Variants in SLIT3 observed in about 807,000 individuals in gnomAD.
The protein encoded by SLIT3 is slit homolog 3 protein.
A neutral mutation model predicts 184.0 loss-of-function variants in SLIT3; 68 were observed. That is an observed-to-expected ratio of 0.37 (90% CI 0.30 to 0.45). The LOEUF is 0.45. Among genes scored for constraint, SLIT3 ranks in the 20% least tolerant of loss-of-function variants. The pLI is 1.00. For synonymous variants in SLIT3, 831 were observed against 828.6 expected (o/e 1.00, Z -0.05); for missense variants, 1,707 against 2,026.0 (o/e 0.84, Z 3.02).
Position 169,161,389 on chromosome 5 carries a change from G to A in SLIT3, c.413+32090C>T, listed in dbSNP as rs1026004563. On this transcript the variant is annotated intron_variant, in intron 4 of 35. Transcript: ENST00000519560. Reference sequence around the variant, plus strand: ...TCCATCACTGCCCCTTCCTTGGGCCGAGCCTCTGTACCCGCCCACTGGCTA... The same window carrying A: ...TCCATCACTGCCCCTTCCTTGGGCCAAGCCTCTGTACCCGCCCACTGGCTA... Among the ~76,000 whole-genome samples, 20 of 152,220 alleles carry A rather than the reference G, an allele frequency of 1.3e-4. 1 individual carries two copies. Among genetic ancestry groups the A allele is most frequent in the Middle Eastern group, 6.8e-3 (2 of 294 alleles).
At chr5:169,231,301 A>T (rs1764992801) in intron 3 of SLIT3, among the ~76,000 whole-genome samples, 1 of 152,080 alleles carries the variant, frequency 6.6e-6, no homozygotes, top group Admixed American at 6.6e-5. Flanking sequence ...GATCCATGAA[A>T]CCTCTACCCA....
chr5:168,747,724 G>C (rs1754537568), intron 20 of SLIT3, among the ~76,000 whole-genome samples: 1 of 152,152 alleles, frequency 6.6e-6, no homozygotes, highest in Non-Finnish European at 1.5e-5. Flanking sequence ...AGGACCTGAG[G>C]AGTCAGTGGC....
chr5:168,835,817 A>AC (rs1758034154), intron 6 of SLIT3, among the ~76,000 whole-genome samples: 1 of 151,676 alleles, frequency 6.6e-6, no homozygotes, highest in Non-Finnish European at 1.5e-5. Context: ...TCTCAAAAAA[A>AC]AAAAAAAATT....
chr5:168,976,585 C>T (rs941350247), intron 4 of SLIT3, among the ~76,000 whole-genome samples: 1 of 152,220 alleles, frequency 6.6e-6, no homozygotes, highest in Non-Finnish European at 1.5e-5. Context: ...TTCATATTTA[C>T]TGTATGTGAC....
Position 168,774,324 on chromosome 5 carries a change from C to T in SLIT3, c.1206G>A (p.Leu402=), listed in dbSNP as rs1378223753. 1.2e-6 allele frequency: 2 copies of T among 1,614,052 alleles called. No homozygotes were observed. The highest frequency in any genetic ancestry group is 2.2e-5 in the East Asian group (1 of 44,868). Residue 402 remains leucine, a synonymous_variant, in exon 13 of 36, where the codon CTG becomes CTA. Transcript: ENST00000519560. The stretch of plus-strand genomic sequence containing the variant: ...ACAGGGAGAGCAAGTTGAGGTTCTG[C>T]AGGTCCTGAAACGTGTTCACCCGCA... ...NCLRVNTFQD[L]QNLNLLSLYD...
rs1463301870 is a variant in SLIT3 at position 169,251,382 on chromosome 5, A to G, written c.269+6T>C. The G allele has an allele frequency of 6.2e-7, 1 of 1,603,380 alleles. No homozygotes were observed. Among genetic ancestry groups the G allele is most frequent in the East Asian group, 2.2e-5 (1 of 44,826 alleles). The stretch of plus-strand genomic sequence containing the variant: ...AAAACACACTTGAGAGCCATCAACT[A>G]CTTACAAGACTCGGAGGTTCTTGAG... On this transcript the variant is annotated splice_donor_region_variant and intron_variant, in intron 2 of 35. Coordinates refer to ENST00000519560, the MANE Select transcript of SLIT3 (RefSeq NM_003062.4).
chr5:169,184,323 G>T lies in SLIT3; in HGVS notation c.413+9156C>A, dbSNP rs1351816828. ...GTAGGGAAAAAACTCACAGGAGTAA[G>T]AGGGTGAGAAAGTCAGAGAGACCTG... On this transcript the variant is annotated intron_variant, in intron 4 of 35. Transcript: ENST00000519560. Among the ~76,000 whole-genome samples the T allele has an allele frequency of 2.0e-5, 3 of 152,240 alleles. No homozygotes were observed. The East Asian group carries it at 5.8e-4, about 29-fold the overall frequency.
At chr5:169,130,220 A>G (rs529987124) in intron 4 of SLIT3, among the ~76,000 whole-genome samples, 3 of 152,356 alleles carry the variant, frequency 2.0e-5, no homozygotes, top group South Asian at 2.1e-4. Context: ...CTAGAGGTTT[A>G]GGAGTACTCT....
chr5:169,226,733 C>G (rs867887442), intron 3 of SLIT3, among the ~76,000 whole-genome samples: 1 of 152,082 alleles, frequency 6.6e-6, no homozygotes, highest in Non-Finnish European at 1.5e-5. Flanking sequence ...ATCCTCAGTC[C>G]CTTCTCTTAC....
At chr5:168,967,949 C>T (rs565552091) in intron 4 of SLIT3, among the ~76,000 whole-genome samples, 9 of 152,194 alleles carry the variant, frequency 5.9e-5, no homozygotes, top group Non-Finnish European at 7.3e-5. Context: ...CTAGCACTTT[C>T]GTGCCTGCAC....
chr5:169,256,809 G>C (rs4868448), intron 1 of SLIT3, among the ~76,000 whole-genome samples: 70,598 of 151,858 alleles, frequency 0.46, 19,010 homozygotes, highest in Non-Finnish European at 0.62. Context: ...CCGAGTTATT[G>C]TGGGAACGAG....
intron 4 of SLIT3, among the ~76,000 whole-genome samples, chr5:169,015,184 A>C (rs17666880): frequency 0.013 from 2,045 of 152,216 alleles, 102 homozygotes; most frequent in East Asian, 0.094. Flanking sequence ...GAAAGGACAA[A>C]ACAAGAGTGG....
At chr5:169,187,060 A>G (rs1763368971) in intron 4 of SLIT3, among the ~76,000 whole-genome samples, 1 of 149,516 alleles carries the variant, frequency 6.7e-6, no homozygotes, top group African/African-American at 2.4e-5. Flanking sequence ...TGAATGGAGA[A>G]TAAATAAGTC....
At chr5:169,256,476 C>T (rs1299916574) in intron 1 of SLIT3, among the ~76,000 whole-genome samples, 1 of 152,190 alleles carries the variant, frequency 6.6e-6, no homozygotes, top group African/African-American at 2.4e-5. Context: ...TGTGCAAGTG[C>T]ACTCATGACT....
At chr5:168,748,857 A>G (rs558141526) in intron 19 of SLIT3, among the ~76,000 whole-genome samples, 2 of 152,276 alleles carry the variant, frequency 1.3e-5, no homozygotes, top group East Asian at 3.9e-4. Context: ...TCAGTTAATT[A>G]TCTGTCTCTA....
At chr5:169,276,344 C>T (rs111641475) in intron 1 of SLIT3, among the ~76,000 whole-genome samples, 11 of 152,148 alleles carry the variant, frequency 7.2e-5, no homozygotes, top group African/African-American at 2.7e-4. Flanking sequence ...TGAACTGTGT[C>T]GTCAATAAGC....
At chr5:168,745,301 A>G (rs1763765702) in intron 20 of SLIT3, among the ~76,000 whole-genome samples, 2 of 152,228 alleles carry the variant, frequency 1.3e-5, no homozygotes, top group Admixed American at 1.3e-4. Context: ...CTTGAAATGG[A>G]ATCTACTTTT....
intron 6 of SLIT3, among the ~76,000 whole-genome samples, chr5:168,838,901 C>T (rs762224225): frequency 3.3e-5 from 5 of 152,164 alleles, no homozygotes; most frequent in Admixed American, 6.5e-5. Context: ...CCTCTCTAAA[C>T]GTGGGCTTGG....
chr5:169,159,234 A>G (rs535202591), intron 4 of SLIT3, among the ~76,000 whole-genome samples: 218 of 151,862 alleles, frequency 1.4e-3, no homozygotes, highest in African/African-American at 5.1e-3. Flanking sequence ...ATAATACAAA[A>G]ATTAGCCATG....
Sources: allele counts gnomAD v4.1 joint callset (sites outside exome capture counted in the v4.1 genomes callset), GRCh38; gene constraint gnomAD v4.1.1; transcripts MANE v1.5; gene names NCBI Gene and HGNC (gene_info 2026-07-23, HGNC 2026-07-21).